Variants in GSK3B observed in about 807,000 individuals in gnomAD.
GSK3B encodes the protein glycogen synthase kinase-3 beta.
In GSK3B, 15 loss-of-function variants were observed where a neutral mutation model predicts 56.4. That is an observed-to-expected ratio of 0.27 (90% CI 0.18 to 0.41). The LOEUF is 0.41. GSK3B is among the 10% of genes least tolerant of loss of function. GSK3B has a pLI of 1.00. For missense variants in GSK3B, 300 were observed against 513.4 expected (o/e 0.58, Z 4.02); for synonymous variants, 181 against 188.9 (o/e 0.96, Z 0.34).
chr3:120,002,092 C>T lies in GSK3B; in HGVS notation c.236G>A (p.Gly79Glu). 1 of 1,608,910 alleles carries T rather than the reference C, an allele frequency of 6.2e-7. No individual in the cohort carries two copies. Among genetic ancestry groups the T allele is most frequent in the South Asian group, 1.1e-5 (1 of 90,030 alleles). Residue 79 changes from glycine to glutamate, a missense_variant, in exon 2 of 11, where the codon GGA becomes GAA. This residue lies in a region of GSK3B where 20 missense variants were observed against 59.1 expected (regional missense o/e 0.34). Transcript: ENST00000264235. ...TACTTTCTTGATGGCGACCAGTTCTCCTGAATCACAAAGTTTGGCTTGATA... is the reference window on the plus strand; with the variant it reads ...TACTTTCTTGATGGCGACCAGTTCTTCTGAATCACAAAGTTTGGCTTGATA... ...VVYQAKLCDSGELVAIKKVLQ... is the reference protein window; with the variant it reads ...VVYQAKLCDSEELVAIKKVLQ...
chr3:120,043,415 C>A (rs1045056303), intron 1 of GSK3B, among the ~76,000 whole-genome samples: 1 of 152,180 alleles, frequency 6.6e-6, no homozygotes, highest in Admixed American at 6.5e-5. Flanking sequence ...GTCAGATTCA[C>A]CCCAAATCAT....
chr3:120,017,785 T>C (rs1029337829), intron 1 of GSK3B, among the ~76,000 whole-genome samples: 1 of 152,204 alleles, frequency 6.6e-6, no homozygotes, highest in Non-Finnish European at 1.5e-5. Flanking sequence ...TATCACACAC[T>C]GGGGGCGTCC....
At chr3:119,972,734 T>A (rs2057378979) in intron 2 of GSK3B, among the ~76,000 whole-genome samples, 1 of 152,156 alleles carries the variant, frequency 6.6e-6, no homozygotes, top group Non-Finnish European at 1.5e-5. Flanking sequence ...CGCGCCCACC[T>A]ATTTTTTTCT....
At chr3:119,919,841 GA>G (rs2056821129) in intron 4 of GSK3B, among the ~76,000 whole-genome samples, 2 of 151,290 alleles carry the variant, frequency 1.3e-5, no homozygotes, top group Middle Eastern at 3.4e-3. Context: ...TAGCCATAAA[GA>G]AGGTGACACA....
rs535106154 is a variant in GSK3B at position 120,062,047 on chromosome 3, A to C, written c.88+31300T>G. On this transcript the variant is annotated intron_variant, in intron 1 of 10. Coordinates refer to ENST00000264235, the MANE Select transcript of GSK3B (RefSeq NM_001146156.2). ...ATTTCCGGCCATATATGAATTTATT[A>C]TCCTTTAGCAACATACCTCCTGAAA... is the stretch of plus-strand genomic sequence containing the variant. Among the ~76,000 whole-genome samples the C allele has an allele frequency of 1.2e-4, 19 of 152,302 alleles. No individual in the cohort carries two copies. In the South Asian group the frequency reaches 2.5e-3, roughly 20 times the overall value.
At chr3:119,858,131 A>G (rs952904160) in intron 9 of GSK3B, among the ~76,000 whole-genome samples, 1 of 152,184 alleles carries the variant, frequency 6.6e-6, no homozygotes, top group African/African-American at 2.4e-5. Flanking sequence ...TAAGGGCCCT[A>G]GGATTTTTGG....
At chr3:119,890,471 A>C (rs2056489293) in intron 7 of GSK3B, among the ~76,000 whole-genome samples, 1 of 152,132 alleles carries the variant, frequency 6.6e-6, no homozygotes, top group African/African-American at 2.4e-5. Context: ...GAGACAGAAG[A>C]TGGGAAACTG....
chr3:119,960,492 A>C (rs1296782032), intron 2 of GSK3B, among the ~76,000 whole-genome samples: 1 of 152,236 alleles, frequency 6.6e-6, no homozygotes, highest in Non-Finnish European at 1.5e-5. Flanking sequence ...GAATAAAATC[A>C]GTGGATTCTA....
chr3:119,929,085 A>G (rs750802396), intron 3 of GSK3B, among the ~76,000 whole-genome samples: 6 of 152,344 alleles, frequency 3.9e-5, no homozygotes, highest in Non-Finnish European at 8.8e-5. Flanking sequence ...TTGTAAAGTA[A>G]GAGATAAGAT....
At chr3:120,009,384 G>T (rs888345573) in intron 1 of GSK3B, among the ~76,000 whole-genome samples, 5 of 152,082 alleles carry the variant, frequency 3.3e-5, no homozygotes, top group Admixed American at 3.3e-4. Flanking sequence ...ACATGCACAC[G>T]TACATTTACT....
chr3:120,029,469 GT>G, intron 1 of GSK3B: 1 of 691,060 alleles, frequency 1.4e-6, no homozygotes, highest in Non-Finnish European at 2.7e-6. Flanking sequence ...ATCAAGAGCA[GT>G]GTTATTATCT....
chr3:119,999,284 G>C (rs1277598182), intron 2 of GSK3B, among the ~76,000 whole-genome samples: 2 of 152,216 alleles, frequency 1.3e-5, no homozygotes, highest in African/African-American at 2.4e-5. Flanking sequence ...GAGAGAAAGA[G>C]AGAAGGGGTA....
At chr3:119,979,409 T>C (rs531359270) in intron 2 of GSK3B, among the ~76,000 whole-genome samples, 1 of 152,220 alleles carries the variant, frequency 6.6e-6, no homozygotes, top group Admixed American at 6.5e-5. Flanking sequence ...CATCTGCTCC[T>C]AGCCTGTCCA....
At chr3:120,008,494 C>G (rs2057749228) in intron 1 of GSK3B, among the ~76,000 whole-genome samples, 1 of 152,208 alleles carries the variant, frequency 6.6e-6, no homozygotes. Context: ...CAGCATGGTA[C>G]TGGTACCAAA....
intron 3 of GSK3B, among the ~76,000 whole-genome samples, chr3:119,940,120 G>A (rs2057033680): frequency 6.6e-6 from 1 of 151,734 alleles, no homozygotes; most frequent in South Asian, 2.1e-4. Flanking sequence ...TTGTGTGTGT[G>A]TGTGTGTGTG....
intron 9 of GSK3B, among the ~76,000 whole-genome samples, chr3:119,844,395 C>T (rs921194060): frequency 9.9e-5 from 15 of 151,008 alleles, no homozygotes; most frequent in Non-Finnish European, 2.2e-4. Flanking sequence ...AATCCAGGAG[C>T]TGGTTTTTTG....
At chr3:120,023,949 A>G (rs915037126) in intron 1 of GSK3B, among the ~76,000 whole-genome samples, 4 of 152,340 alleles carry the variant, frequency 2.6e-5, no homozygotes, top group Admixed American at 6.5e-5. Flanking sequence ...AAAACAGAAT[A>G]TATCAGTTTT....
chr3:120,092,998 CTT>C (rs2058527013), intron 1 of GSK3B, among the ~76,000 whole-genome samples: 3 of 152,318 alleles, frequency 2.0e-5, no homozygotes, highest in African/African-American at 7.2e-5. Context: ...TTGTCCTTCT[CTT>C]TATTCTAAAG....
chr3:120,011,190 T>A (rs143764163), intron 1 of GSK3B, among the ~76,000 whole-genome samples: 3 of 152,204 alleles, frequency 2.0e-5, no homozygotes, highest in East Asian at 1.9e-4. Context: ...CATATTTCAA[T>A]AAAGGAAACA....
Sources: gnomAD v4.1 joint callset for allele counts (sites outside exome capture counted in the v4.1 genomes callset) on GRCh38, gnomAD v4.1.1 for gene constraint, gnomAD v4.1.1 regional missense constraint, MANE v1.5 for transcripts, NCBI Gene and HGNC (gene_info 2026-07-23, HGNC 2026-07-21) for gene names.